PRPH2: variants seen among roughly 807,000 people sequenced by gnomAD.
PRPH2 encodes peripherin 2, also known as peripherin-2.
A neutral mutation model predicts 31.3 loss-of-function variants in PRPH2; 17 were observed. The observed-to-expected ratio is 0.54, with a 90% CI of 0.37 to 0.81. PRPH2 has a LOEUF of 0.81. Ranked by LOEUF, PRPH2 falls within the 40% of genes least tolerant of loss-of-function variation. PRPH2 has a pLI of 0.00. For synonymous variants in PRPH2, 165 were observed against 184.4 expected (o/e 0.89, Z 0.85); for missense variants, 430 against 439.7 (o/e 0.98, Z 0.20).
intron 2 of PRPH2, among the ~76,000 whole-genome samples, chr6:42,701,234 C>G (rs1461676361): frequency 6.6e-6 from 1 of 152,070 alleles, no homozygotes; most frequent in Admixed American, 6.6e-5. Flanking sequence ...AAGCAATTCT[C>G]CTGCCTCAGC....
intron 1 of PRPH2, among the ~76,000 whole-genome samples, chr6:42,720,545 C>T (rs961022066): frequency 1.3e-5 from 2 of 152,204 alleles, no homozygotes; most frequent in African/African-American, 2.4e-5. Flanking sequence ...AAATAAAATC[C>T]CAAGAAGTGA....
chr6:42,709,101 T>C (rs910379825), intron 1 of PRPH2, among the ~76,000 whole-genome samples: 4 of 151,152 alleles, frequency 2.6e-5, no homozygotes, highest in Admixed American at 6.6e-5. Context: ...GAGGCTGAGG[T>C]GGGCAGATCA....
chr6:42,709,375 A>C (rs1227734298), intron 1 of PRPH2, among the ~76,000 whole-genome samples: 1 of 147,348 alleles, frequency 6.8e-6, no homozygotes, highest in African/African-American at 2.5e-5. Context: ...AGCCCACAGC[A>C]GTTGCCCACT....
At chr6:42,714,457 T>C (rs1384230227) in intron 1 of PRPH2, among the ~76,000 whole-genome samples, 3 of 152,198 alleles carry the variant, frequency 2.0e-5, no homozygotes, top group Non-Finnish European at 2.9e-5. Context: ...CTAAAAACCA[T>C]TGAATTGCAT....
intron 2 of PRPH2, among the ~76,000 whole-genome samples, chr6:42,703,574 A>C (rs1437045528): frequency 6.6e-6 from 1 of 151,836 alleles, no homozygotes; most frequent in Non-Finnish European, 1.5e-5. Context: ...GCTAACTAAA[A>C]GAAGCCAAAC....
chr6:42,711,891 A>G, intron 1 of PRPH2: 1 of 985,328 alleles, frequency 1.0e-6, no homozygotes, highest in Non-Finnish European at 1.2e-6. Flanking sequence ...GAGCTCCCGC[A>G]TGTTCTACCT....
At chr6:42,706,727 G>A (rs1042299583) in intron 1 of PRPH2, among the ~76,000 whole-genome samples, 1 of 152,108 alleles carries the variant, frequency 6.6e-6, no homozygotes, top group Non-Finnish European at 1.5e-5. Flanking sequence ...AATTGGTCAC[G>A]AATCTCTTAA....
At chr6:42,716,041 C>T (rs897653157) in intron 1 of PRPH2, among the ~76,000 whole-genome samples, 1 of 152,208 alleles carries the variant, frequency 6.6e-6, no homozygotes, top group African/African-American at 2.4e-5. Flanking sequence ...ATTCCAGGAA[C>T]AGAGCCTGCA....
chr6:42,705,967 A>AG (rs1280321971), intron 1 of PRPH2, among the ~76,000 whole-genome samples: 1 of 150,094 alleles, frequency 6.7e-6, no homozygotes, highest in African/African-American at 2.5e-5. Flanking sequence ...TCAAAAAAAA[A>AG]AAAAAGAAAA....
Position 42,696,815 on chromosome 6 carries a change from A to G in PRPH2, c.*1480T>C, listed in dbSNP as rs916643240. 1 of 151,892 alleles carries G rather than the reference A, an allele frequency of 6.6e-6. No homozygotes were observed. The highest frequency in any genetic ancestry group is 2.4e-5 in the African/African-American group (1 of 41,346). 9.4% of individuals were successfully genotyped at this position (151,892 alleles called of 1,614,324 possible). A position where few individuals can be genotyped will look rare whatever the true frequency, so the allele number is the denominator to read the frequency against. On this transcript the variant is annotated 3_prime_UTR_variant, in exon 3 of 3. Transcript: ENST00000230381. ...CAGAAATCTAATTAAACTTGGGACC[A>G]ACGTCTGACAGGGTGTCCAAACATC... is the stretch of plus-strand genomic sequence containing the variant.
intron 2 of PRPH2, among the ~76,000 whole-genome samples, chr6:42,699,117 G>A (rs913424591): frequency 1.3e-5 from 2 of 150,152 alleles, no homozygotes; most frequent in Admixed American, 1.3e-4. Flanking sequence ...CAGTGGCGTG[G>A]TCTCAGCTCA....
chr6:42,722,307 G>C lies in PRPH2; in HGVS notation c.28C>G (p.Gln10Glu). ...TGGGCCAACTTGACCCGCTTCTTCTGGTCAAACTTGACTTTCAGTAGCGCC... is the reference window on the plus strand; with the variant it reads ...TGGGCCAACTTGACCCGCTTCTTCTCGTCAAACTTGACTTTCAGTAGCGCC... MALLKVKFD[Q>E]KKRVKLAQGL... Residue 10 changes from glutamine (Q) to glutamate (E), a missense_variant, in exon 1 of 3, where the codon CAG becomes GAG. Physicochemically the swap from Gln to Glu is conservative, Grantham distance 29. Transcript: ENST00000230381. This position sits in a 1 kb window ranked among gnomAD's most constrained non-coding sequence, Gnocchi z 4.4. 1 of 1,613,914 alleles carries C rather than the reference G, an allele frequency of 6.2e-7. No homozygotes were observed. The highest frequency in any genetic ancestry group is 8.5e-7 in the Non-Finnish European group (1 of 1,180,036).
chr6:42,711,052 G>C (rs1008116226), intron 1 of PRPH2, among the ~76,000 whole-genome samples: 1 of 152,202 alleles, frequency 6.6e-6, no homozygotes, highest in Non-Finnish European at 1.5e-5. Context: ...TTTTTGTGTA[G>C]TGCTGTGGTT....
At position 42,697,887 on chromosome 6, in the gene PRPH2, T is replaced by C. The variant is rs375126191; in HGVS notation, c.*408A>G. 5.5e-6 allele frequency: 1 copy of C among 182,344 alleles called. No homozygotes were observed. The highest frequency in any genetic ancestry group is 1.3e-4 in the South Asian group (1 of 7,886). 11.3% of individuals were successfully genotyped at this position (182,344 alleles called of 1,614,324 possible). Reference sequence around the variant, plus strand: ...GCACCAAGTGACACTTTGGATAGAGTGAAGCAACATGGAGCTCATAAGAGG... The same window carrying C: ...GCACCAAGTGACACTTTGGATAGAGCGAAGCAACATGGAGCTCATAAGAGG... On this transcript the variant is annotated 3_prime_UTR_variant, in exon 3 of 3. Transcript: ENST00000230381.
At position 42,698,203 on chromosome 6, in the gene PRPH2, A is replaced by T; in HGVS notation, c.*92T>A. 6.4e-7 allele frequency: 1 copy of T among 1,553,182 alleles called. No homozygotes were observed. Among genetic ancestry groups the T allele is most frequent in the South Asian group, 1.1e-5 (1 of 87,302 alleles). On this transcript the variant is annotated 3_prime_UTR_variant, in exon 3 of 3. Transcript: ENST00000230381. ...TGTAAGATGGTGCCCTCCTTGGGAG[A>T]TTCAGACTTTCGGAGTTGGATGAGG...
chr6:42,703,958 G>A (rs539620184), intron 2 of PRPH2, among the ~76,000 whole-genome samples: 9 of 152,044 alleles, frequency 5.9e-5, no homozygotes, highest in Non-Finnish European at 1.0e-4. Flanking sequence ...AAAATTAGCC[G>A]GGCATGGTGG....
In PRPH2 at chr6:42,721,996, G is replaced by A. The variant is rs1432621932; in HGVS notation, c.339C>T (p.Phe113=). 6.2e-7 allele frequency: 1 copy of A among 1,614,024 alleles called. No individual in the cohort carries two copies. Among genetic ancestry groups the A allele is most frequent in the Non-Finnish European group, 8.5e-7 (1 of 1,180,042 alleles). ...GCAGAAAGCAGCAGAGAGCCACAAGGAAGAGGATGATGTTGAAGAGAACAC... is the reference window on the plus strand; with the variant it reads ...GCAGAAAGCAGCAGAGAGCCACAAGAAAGAGGATGATGTTGAAGAGAACAC... ...AICVLFNIIL[F]LVALCCFLLR... is the part of the protein sequence containing the mutation. Residue 113 remains phenylalanine, a synonymous_variant, in exon 1 of 3, where the codon TTC becomes TTT. Coordinates refer to ENST00000230381, the MANE Select transcript of PRPH2 (RefSeq NM_000322.5).
At chr6:42,705,088 GT>G (rs1353798127) in intron 1 of PRPH2, among the ~76,000 whole-genome samples, 1 of 152,150 alleles carries the variant, frequency 6.6e-6, no homozygotes, top group African/African-American at 2.4e-5. Context: ...CCCAGGGCCT[GT>G]GCAGAGGCAG....
At chr6:42,709,057 G>T (rs1273256237) in intron 1 of PRPH2, among the ~76,000 whole-genome samples, 1 of 152,140 alleles carries the variant, frequency 6.6e-6, no homozygotes, top group African/African-American at 2.4e-5. Flanking sequence ...CCAGCCGGGC[G>T]CGGTGGCTCA....
Sources: gnomAD v4.1 joint callset for allele counts (sites outside exome capture counted in the v4.1 genomes callset) on GRCh38, gnomAD v4.1.1 for gene constraint, Gnocchi (gnomAD v3.1) non-coding constraint, MANE v1.5 for transcripts, NCBI Gene and HGNC (gene_info 2026-07-23, HGNC 2026-07-21) for gene names.